PTGER3: variants seen among roughly 807,000 people sequenced by gnomAD.
PTGER3 encodes prostaglandin E2 receptor EP3 subtype.
Under a neutral mutation model 34.7 loss-of-function variants are expected in PTGER3, and 22 were observed. That is an observed-to-expected ratio of 0.63 (90% CI 0.45 to 0.91). The LOEUF is 0.91. Ranked by LOEUF, PTGER3 falls within the 40% of genes least tolerant of loss-of-function variation. The pLI is 0.00. For synonymous variants in PTGER3, 241 were observed against 230.1 expected (o/e 1.05, Z -0.43); for missense variants, 468 against 519.4 (o/e 0.90, Z 0.96).
chr1:70,893,784 C>T (rs993509013), intron 4 of PTGER3, among the ~76,000 whole-genome samples: 13 of 152,242 alleles, frequency 8.5e-5, no homozygotes, highest in Admixed American at 5.9e-4. Context: ...AAGTCTATTG[C>T]TGCTAGGAAT....
chr1:71,003,666 T>C (rs1164283327), intron 2 of PTGER3, among the ~76,000 whole-genome samples: 2 of 152,240 alleles, frequency 1.3e-5, no homozygotes, highest in Non-Finnish European at 2.9e-5. Flanking sequence ...CAGTTCCTTA[T>C]AATAATTCTA....
chr1:70,944,407 C>T (rs1419609575), intron 4 of PTGER3, among the ~76,000 whole-genome samples: 1 of 152,036 alleles, frequency 6.6e-6, no homozygotes, highest in Non-Finnish European at 1.5e-5. Flanking sequence ...GAAAAGAGTA[C>T]CTTTGAGAAT....
chr1:70,853,746 A>C (rs1645735277), intron 4 of PTGER3, among the ~76,000 whole-genome samples: 1 of 152,200 alleles, frequency 6.6e-6, no homozygotes, highest in Non-Finnish European at 1.5e-5. Context: ...ACAGTAATCT[A>C]AACGGTGTGG....
chr1:71,022,471 C>T (rs1243986479), intron 1 of PTGER3, among the ~76,000 whole-genome samples: 2 of 151,874 alleles, frequency 1.3e-5, no homozygotes, highest in African/African-American at 4.9e-5. Flanking sequence ...GTACACAATG[C>T]AGGGTGATGA....
intron 4 of PTGER3, among the ~76,000 whole-genome samples, chr1:70,871,937 T>G (rs1384671951): frequency 2.6e-5 from 4 of 152,190 alleles, no homozygotes; most frequent in Non-Finnish European, 5.9e-5. Flanking sequence ...GAAGTCTATC[T>G]GTCAGATTAA....
chr1:70,967,701 C>G (rs1009499519), downstream of PTGER3, among the ~76,000 whole-genome samples: 3 of 152,054 alleles, frequency 2.0e-5, no homozygotes, highest in Admixed American at 6.6e-5. Context: ...ATCTTAAGAA[C>G]AGTTTTCTTT....
At chr1:70,890,701 C>T (rs1004320649) in intron 4 of PTGER3, among the ~76,000 whole-genome samples, 1 of 152,146 alleles carries the variant, frequency 6.6e-6, no homozygotes, top group Non-Finnish European at 1.5e-5. Flanking sequence ...CACACACAGC[C>T]CTCCCTGACC....
At chr1:70,961,233 C>A (rs924610968) in intron 2 of PTGER3, among the ~76,000 whole-genome samples, 1 of 152,250 alleles carries the variant, frequency 6.6e-6, no homozygotes, top group South Asian at 2.1e-4. Flanking sequence ...TCTATTTCAA[C>A]AATCCTGCCT....
At chr1:70,874,982 G>T (rs1348534706) in intron 4 of PTGER3, among the ~76,000 whole-genome samples, 1 of 152,128 alleles carries the variant, frequency 6.6e-6, no homozygotes, top group Admixed American at 6.5e-5. Flanking sequence ...AGACAGGATT[G>T]CATTCCTCTG....
At position 71,047,689 on chromosome 1, in the gene PTGER3, C is replaced by A. The variant is rs932620282; in HGVS notation, c.-112G>T. On this transcript the variant is annotated 5_prime_UTR_variant, in exon 1 of 4. Transcript: ENST00000306666. Reference sequence around the variant, plus strand: ...GTTTACCGCGGCTGGGGCTGGGCTGCCCCCCATGGTGCGGGGCGCAGCCGC... The same window carrying A: ...GTTTACCGCGGCTGGGGCTGGGCTGACCCCCATGGTGCGGGGCGCAGCCGC... 2.3e-6 allele frequency: 3 copies of A among 1,279,878 alleles called. No homozygotes were observed. The highest frequency in any genetic ancestry group is 2.8e-4 in the Middle Eastern group (1 of 3,520). 79.3% of individuals were successfully genotyped at this position (1,279,878 alleles called of 1,614,324 possible).
At chr1:70,911,001 AC>A (rs1647048573) in intron 4 of PTGER3, among the ~76,000 whole-genome samples, 1 of 151,340 alleles carries the variant, frequency 6.6e-6, no homozygotes, top group Non-Finnish European at 1.5e-5. Context: ...AATCGCTTGA[AC>A]CCGGGAGGCA....
intron 4 of PTGER3, among the ~76,000 whole-genome samples, chr1:70,939,108 T>G (rs768844552): frequency 6.6e-5 from 10 of 152,172 alleles, no homozygotes; most frequent in Non-Finnish European, 1.3e-4. Flanking sequence ...AATACAGCCA[T>G]TCCAAATGGG....
intron 2 of PTGER3, among the ~76,000 whole-genome samples, chr1:70,977,323 A>G (rs186161858): frequency 7.9e-5 from 12 of 152,212 alleles, no homozygotes; most frequent in Admixed American, 3.3e-4. Context: ...AGGATGCCTG[A>G]TGCCTGTATT....
At chr1:70,935,581 G>T (rs1172175267) in intron 4 of PTGER3, among the ~76,000 whole-genome samples, 1 of 150,204 alleles carries the variant, frequency 6.7e-6, no homozygotes, top group African/African-American at 2.5e-5. Flanking sequence ...GTTTATTTTT[G>T]CTTTTACTTA....
chr1:70,938,979 C>A (rs2100534397), intron 4 of PTGER3, among the ~76,000 whole-genome samples: 1 of 152,222 alleles, frequency 6.6e-6, no homozygotes, highest in East Asian at 1.9e-4. Context: ...AGCATTAACC[C>A]AAAAGTCCAC....
intron 4 of PTGER3, among the ~76,000 whole-genome samples, chr1:70,889,414 C>T (rs76527781): frequency 1.6e-5 from 1 of 63,618 alleles, no homozygotes; most frequent in Admixed American, 1.9e-4. Flanking sequence ...GACTCCATCT[C>T]AAAAAAAAAA....
At chr1:71,016,032 A>T (rs1349600809) in intron 1 of PTGER3, among the ~76,000 whole-genome samples, 1 of 152,216 alleles carries the variant, frequency 6.6e-6, no homozygotes, top group Admixed American at 6.5e-5. Flanking sequence ...TCCTGGGCTC[A>T]AATGATCCTC....
rs1180638772 is a variant in PTGER3, at chr1:71,019,843, C to A, written c.898-7359G>T. Reference sequence around the variant, plus strand: ...GGGGAGGAAATAAATTGGTTAGCTGCCCTTAGGCTCAATTCTGGGGTGTTT... The same window carrying A: ...GGGGAGGAAATAAATTGGTTAGCTGACCTTAGGCTCAATTCTGGGGTGTTT... On this transcript the variant is annotated intron_variant, in intron 1 of 3. Coordinates refer to ENST00000306666, the MANE Select transcript of PTGER3 (RefSeq NM_198719.2). Among the ~76,000 whole-genome samples the A allele has an allele frequency of 2.0e-5, 3 of 152,136 alleles. No homozygotes were observed. The East Asian group carries it at 5.8e-4, about 29-fold the overall frequency.
At chr1:71,011,908 A>G (rs1657480616) in intron 2 of PTGER3, 1 of 1,149,734 alleles carries the variant, frequency 8.7e-7, no homozygotes, top group African/African-American at 1.6e-5. Context: ...AATATTAACT[A>G]TCCCCGCTCC....
Sources: allele counts gnomAD v4.1 joint callset (sites outside exome capture counted in the v4.1 genomes callset), GRCh38; gene constraint gnomAD v4.1.1; transcripts MANE v1.5; gene names NCBI Gene and HGNC (gene_info 2026-07-23, HGNC 2026-07-21).